MAEA: variants seen among roughly 807,000 people sequenced by gnomAD.
MAEA encodes E3 ubiquitin-protein transferase MAEA.
A neutral mutation model predicts 46.2 loss-of-function variants in MAEA; 22 were observed. The ratio of observed to expected loss-of-function variants is 0.48; its 90% CI spans 0.34 to 0.68. The LOEUF (loss-of-function observed/expected upper bound fraction) is 0.68, where lower values mean the gene tolerates loss of function less well. MAEA is among the 30% of genes least tolerant of loss of function. The pLI is 0.01. For synonymous variants in MAEA, 246 were observed against 222.6 expected (o/e 1.11, Z -0.94); for missense variants, 393 against 558.1 (o/e 0.70, Z 2.98).
At chr4:1,301,836 C>G (rs1362666996) in intron 1 of MAEA, among the ~76,000 whole-genome samples, 1 of 152,090 alleles carries the variant, frequency 6.6e-6, no homozygotes, top group African/African-American at 2.4e-5. Flanking sequence ...AAGTGATGAC[C>G]GAATAGACCT....
At chr4:1,302,445 G>A (rs145565135) in intron 1 of MAEA, among the ~76,000 whole-genome samples, 3 of 152,190 alleles carry the variant, frequency 2.0e-5, no homozygotes, top group Non-Finnish European at 4.4e-5. Flanking sequence ...AATAGGTTAG[G>A]AACTCTTCTA....
chr4:1,328,631 C>A, intron 5 of MAEA: 1 of 1,261,938 alleles, frequency 7.9e-7, no homozygotes, highest in Non-Finnish European at 1.0e-6. Context: ...TATCCACCTG[C>A]AGTGGGCCGG....
intron 3 of MAEA, 116 bp downstream of exon 3, chr4:1,315,716 C>T (rs931650727): frequency 1.4e-5 from 12 of 870,256 alleles, no homozygotes; most frequent in African/African-American, 9.2e-5. Flanking sequence ...GTTCCCCTCC[C>T]CCCACCCCCG....
At chr4:1,332,596 G>A (rs187431394) in intron 5 of MAEA, 161 bp from the exon 6 acceptor site, 37 of 569,654 alleles carry the variant, frequency 6.5e-5, no homozygotes, top group African/African-American at 2.7e-4. Context: ...GCACATCTGC[G>A]GTCTCAGCTT....
chr4:1,313,328 C>G (rs554409134), intron 2 of MAEA, among the ~76,000 whole-genome samples: 148 of 152,000 alleles, frequency 9.7e-4, no homozygotes, highest in African/African-American at 3.3e-3. Context: ...ACAGTGAGAC[C>G]CTGTCTCAAG....
At chr4:1,332,724 C>G (rs989351752) in intron 5 of MAEA, 33 bp from the exon 6 acceptor site, 3 of 1,565,842 alleles carry the variant, frequency 1.9e-6, no homozygotes, top group Non-Finnish European at 2.6e-6. Context: ...AATTAAAACG[C>G]AAACTTAAAT....
intron 3 of MAEA, among the ~76,000 whole-genome samples, chr4:1,317,769 G>A (rs1188444798): frequency 6.6e-6 from 1 of 152,262 alleles, no homozygotes; most frequent in East Asian, 1.9e-4. Context: ...AGATGGCAAA[G>A]TGCACTGATC....
chr4:1,328,557 C>T, intron 5 of MAEA: 2 of 1,129,626 alleles, frequency 1.8e-6, no homozygotes, highest in South Asian at 1.6e-5. Context: ...GGCGAGTGCC[C>T]AGCAGGTGTG....
At chr4:1,304,542 A>G (rs994249422) in intron 1 of MAEA, among the ~76,000 whole-genome samples, 1 of 152,068 alleles carries the variant, frequency 6.6e-6, no homozygotes, top group Non-Finnish European at 1.5e-5. Flanking sequence ...TTGGGTTTAC[A>G]CCATTCTCCT....
chr4:1,313,792 G>A (rs968785385), intron 2 of MAEA, among the ~76,000 whole-genome samples: 5 of 151,916 alleles, frequency 3.3e-5, no homozygotes, highest in Admixed American at 2.6e-4. Context: ...GGACACTGTG[G>A]CTCACTTTGG....
chr4:1,292,933 G>T (rs1734254228), intron 1 of MAEA, among the ~76,000 whole-genome samples: 2 of 125,586 alleles, frequency 1.6e-5, no homozygotes, highest in African/African-American at 3.0e-5. Context: ...TCACTCTGTT[G>T]CCCAGGCTGG....
chr4:1,306,214 A>G (rs937283800), intron 1 of MAEA, among the ~76,000 whole-genome samples: 5 of 152,342 alleles, frequency 3.3e-5, no homozygotes, highest in African/African-American at 9.6e-5. Flanking sequence ...ATGGACCCAT[A>G]AAATTCACCA....
chr4:1,336,716 G>C, intron 6 of MAEA, 145 bp from the exon 7 acceptor site: 1 of 673,958 alleles, frequency 1.5e-6, no homozygotes, highest in Non-Finnish European at 2.5e-6. Flanking sequence ...GTTATGCTTT[G>C]TGCTGACCCT....
In MAEA at chr4:1,336,940, A is replaced by G. The variant is rs1712845134; in HGVS notation, c.845A>G (p.Asn282Ser). 1 of 1,614,084 alleles carries G rather than the reference A, an allele frequency of 6.2e-7. No individual in the cohort carries two copies. The highest frequency in any genetic ancestry group is 8.5e-7 in the Non-Finnish European group (1 of 1,180,018). ...YDNYRLHQLG[N>S]NSVFTLTLQA... Reference sequence around the variant, plus strand: ...AACTACCGACTACACCAGCTGGGAAACAATTCTGTGTTCACCCTCACCCTG... The same window carrying G: ...AACTACCGACTACACCAGCTGGGAAGCAATTCTGTGTTCACCCTCACCCTG... The change falls in exon 7 of 9, where the codon AAC (asparagine) becomes AGC (serine). Residue 282 changes from asparagine (N) to serine (S), a missense_variant. Around this residue, in one of 2 missense-constraint regions of MAEA, gnomAD observed 358 missense variants for 537.9 expected, o/e 0.67. Transcript: ENST00000303400.
chr4:1,312,383 C>G (rs1205004942), intron 2 of MAEA: 6 of 573,746 alleles, frequency 1.0e-5, no homozygotes, highest in Non-Finnish European at 1.9e-5. Context: ...TGTCCAGAGT[C>G]CAGGCCACAG....
At chr4:1,302,279 C>T (rs1479509418) in intron 1 of MAEA, among the ~76,000 whole-genome samples, 1 of 152,186 alleles carries the variant, frequency 6.6e-6, no homozygotes, top group African/African-American at 2.4e-5. Flanking sequence ...ATAGATGCAA[C>T]AAAAGTACTT....
At chr4:1,310,646 G>C (rs12641735) in intron 1 of MAEA, among the ~76,000 whole-genome samples, 84,882 of 152,152 alleles carry the variant, frequency 0.56, 23,965 homozygotes, top group East Asian at 0.71. Context: ...CATTTGCAAA[G>C]CCTCCTGTGT....
chr4:1,309,000 T>G (rs889973944), intron 1 of MAEA, among the ~76,000 whole-genome samples: 1 of 152,222 alleles, frequency 6.6e-6, no homozygotes, highest in African/African-American at 2.4e-5. Context: ...TCTGTGAGGT[T>G]GCCTGTCCTC....
intron 6 of MAEA, chr4:1,335,076 G>C (rs1380130651): frequency 3.0e-6 from 3 of 985,188 alleles, no homozygotes; most frequent in African/African-American, 3.5e-5. Flanking sequence ...CTGGGTTGAT[G>C]TGAAGGTTTT....
Sources: allele counts gnomAD v4.1 joint callset (sites outside exome capture counted in the v4.1 genomes callset), GRCh38; gene constraint gnomAD v4.1.1; regional missense constraint gnomAD v4.1.1; transcripts MANE v1.5; gene names NCBI Gene and HGNC (gene_info 2026-07-23, HGNC 2026-07-21).